Variants in PTPRN2 observed in about 807,000 individuals in gnomAD.
PTPRN2 encodes receptor-type tyrosine-protein phosphatase N2.
A neutral mutation model predicts 118.8 loss-of-function variants in PTPRN2; 74 were observed. The observed-to-expected ratio is 0.62, with a 90% confidence interval of 0.52 to 0.76. The LOEUF (loss-of-function observed/expected upper bound fraction) is 0.76. Ranked by LOEUF, PTPRN2 falls within the 30% of genes least tolerant of loss-of-function variation. The pLI, the probability that PTPRN2 is intolerant of heterozygous loss-of-function variation, is 0.00. For missense variants in PTPRN2, 1,481 were observed against 1,394.4 expected (o/e 1.06, Z -0.99); for synonymous variants, 641 against 608.0 (o/e 1.05, Z -0.80).
rs1054948422 is a variant in PTPRN2, at chr7:157,784,445, G to A, written c.1789-101508C>T. 1.3e-5 allele frequency among the ~76,000 whole-genome samples: 2 copies of A among 152,184 alleles called. No individual in the cohort carries two copies. The highest frequency in any genetic ancestry group is 4.8e-5 in the African/African-American group (2 of 41,448). ...GCAGCGCCCACAAGGCTCAGGGCTG[G>A]GTCCAGCCTCACCTGCAAAAGCTGT... On this transcript the variant is annotated intron_variant, in intron 12 of 22. Transcript: ENST00000389418. The surrounding 1 kb of genome is among the most constrained non-coding windows in gnomAD (Gnocchi z 4.6).
At chr7:158,395,298 TGAGGG>T (rs1812277241) in intron 2 of PTPRN2, among the ~76,000 whole-genome samples, 2 of 19,294 alleles carry the variant, frequency 1.0e-4, no homozygotes, top group African/African-American at 1.7e-4. Flanking sequence ...GGGTGAGGGG[TGAGGG>T]GCGAGGGGTG....
intron 13 of PTPRN2, among the ~76,000 whole-genome samples, chr7:157,657,181 T>C (rs111163553): frequency 7.2e-4 from 74 of 102,946 alleles, no homozygotes; most frequent in South Asian, 3.8e-3. Flanking sequence ...CACACACATA[T>C]GCCACACACA....
At chr7:157,775,162 G>A (rs1803120266) in intron 12 of PTPRN2, among the ~76,000 whole-genome samples, 1 of 152,186 alleles carries the variant, frequency 6.6e-6, no homozygotes, top group Non-Finnish European at 1.5e-5. Flanking sequence ...CGGCAGTGTA[G>A]GCTCAGATGT....
intron 3 of PTPRN2, among the ~76,000 whole-genome samples, chr7:158,282,349 G>A (rs533436946): frequency 2.0e-5 from 3 of 152,334 alleles, no homozygotes; most frequent in African/African-American, 7.2e-5. Flanking sequence ...CTATAATGAA[G>A]CAACTGTCTT....
chr7:158,387,626 G>A (rs1464924924), intron 2 of PTPRN2, among the ~76,000 whole-genome samples: 2 of 940 alleles, frequency 2.1e-3, no homozygotes, highest in African/African-American at 3.7e-3. Context: ...GAGAGCTGCT[G>A]TGAGGCCCTG....
At chr7:158,216,517 T>A (rs942122845) in intron 3 of PTPRN2, among the ~76,000 whole-genome samples, 3 of 152,042 alleles carry the variant, frequency 2.0e-5, no homozygotes, top group African/African-American at 7.2e-5. Flanking sequence ...AAAATATTTT[T>A]AAAAATATAT....
chr7:158,167,600 T>C (rs1309043506), intron 5 of PTPRN2, among the ~76,000 whole-genome samples: 3 of 152,224 alleles, frequency 2.0e-5, no homozygotes, highest in African/African-American at 7.2e-5. Context: ...TTCAGAGTTG[T>C]GAGACATCAC....
At chr7:157,885,484 A>T (rs1188605332) in intron 12 of PTPRN2, among the ~76,000 whole-genome samples, 1 of 152,190 alleles carries the variant, frequency 6.6e-6, no homozygotes, top group Non-Finnish European at 1.5e-5. Context: ...AAGGGGATGC[A>T]GATGCACCCG....
Position 158,438,777 on chromosome 7 carries a change from G to A in PTPRN2, c.163+50958C>T, listed in dbSNP as rs1036708346. Among the ~76,000 whole-genome samples, 2 of 152,154 alleles carry A rather than the reference G, an allele frequency of 1.3e-5. No homozygotes were observed. Among genetic ancestry groups the A allele is most frequent in the Non-Finnish European group, 2.9e-5 (2 of 68,034 alleles). On this transcript the variant is annotated intron_variant, in intron 2 of 22. Coordinates refer to ENST00000389418, the MANE Select transcript of PTPRN2 (RefSeq NM_002847.5). This position sits in a 1 kb window ranked among gnomAD's most constrained non-coding sequence, Gnocchi z 4.7. ...GACTTCCTCAAAGACACTCTGACCA[G>A]GGGTCAGCAAACCAGAGCCCCGGGA...
chr7:158,351,139 C>T (rs1040945917), intron 2 of PTPRN2, among the ~76,000 whole-genome samples: 1 of 152,158 alleles, frequency 6.6e-6, no homozygotes, highest in East Asian at 1.9e-4. Context: ...GCAGAAGGAC[C>T]TCACCGACGG....
intron 12 of PTPRN2, among the ~76,000 whole-genome samples, chr7:157,720,443 C>T (rs1799167714): frequency 6.6e-6 from 1 of 152,240 alleles, no homozygotes; most frequent in Admixed American, 6.5e-5. Context: ...GTGCGGCCCA[C>T]AGGACAAAGC....
intron 11 of PTPRN2, among the ~76,000 whole-genome samples, chr7:158,079,580 T>G (rs1402885711): frequency 6.6e-6 from 1 of 152,218 alleles, no homozygotes; most frequent in African/African-American, 2.4e-5. Context: ...CTAATTCCAG[T>G]GGCATTGCTC....
chr7:158,098,523 G>A (rs1446562175), intron 10 of PTPRN2, among the ~76,000 whole-genome samples: 15 of 152,328 alleles, frequency 9.8e-5, no homozygotes, highest in African/African-American at 2.6e-4. Flanking sequence ...TCCGTCTTCC[G>A]ACAGCGAAGG....
intron 11 of PTPRN2, among the ~76,000 whole-genome samples, chr7:158,063,143 T>C (rs936937627): frequency 3.3e-5 from 5 of 152,178 alleles, no homozygotes; most frequent in African/African-American, 9.7e-5. Context: ...ATCAGCACTC[T>C]GTGTCTAGCT....
At chr7:158,369,249 T>TTATA (rs770252182) in intron 2 of PTPRN2, among the ~76,000 whole-genome samples, 22 of 143,986 alleles carry the variant, frequency 1.5e-4, no homozygotes, top group Admixed American at 2.8e-4. Context: ...AAACTCCCCT[T>TTATA]TATATATATA....
chr7:158,528,890 G>A lies in PTPRN2; in HGVS notation c.113-39105C>T, dbSNP rs544483637. Among the ~76,000 whole-genome samples, 4 of 152,118 alleles carry A rather than the reference G, an allele frequency of 2.6e-5. No homozygotes were observed. The East Asian group carries it at 7.7e-4, about 29-fold the overall frequency. ...GAAGCAAACAAGGATTAAAGTGCCC[G>A]GAATTGGAAGACACAACATTTCCTA... On this transcript the variant is annotated intron_variant, in intron 1 of 22. Transcript: ENST00000389418.
chr7:157,945,908 G>T (rs1021944764), intron 11 of PTPRN2, among the ~76,000 whole-genome samples: 4 of 152,070 alleles, frequency 2.6e-5, no homozygotes, highest in Admixed American at 6.6e-5. Flanking sequence ...AGCCAAGCTG[G>T]GTGCCTTCCC....
chr7:158,154,000 G>T (rs1821463747), intron 6 of PTPRN2, among the ~76,000 whole-genome samples: 1 of 152,190 alleles, frequency 6.6e-6, no homozygotes, highest in African/African-American at 2.4e-5. Flanking sequence ...CATGCTGTAG[G>T]AACCATGGGA....
At chr7:157,905,544 C>G (rs1458095273) in intron 11 of PTPRN2, among the ~76,000 whole-genome samples, 1 of 152,154 alleles carries the variant, frequency 6.6e-6, no homozygotes, top group Admixed American at 6.5e-5. Flanking sequence ...GAAGCGGAAC[C>G]CTATAATGTT....
Sources: allele counts gnomAD v4.1 joint callset (sites outside exome capture counted in the v4.1 genomes callset), GRCh38; gene constraint gnomAD v4.1.1; non-coding constraint Gnocchi (gnomAD v3.1); transcripts MANE v1.5; gene names NCBI Gene and HGNC (gene_info 2026-07-23, HGNC 2026-07-21).